Variants in CXorf38 observed in about 807,000 individuals in gnomAD.
CXorf38 encodes the protein chromosome X open reading frame 38.
In CXorf38, 13 loss-of-function variants were observed where a neutral mutation model predicts 27.5. The observed-to-expected ratio is 0.47, with a 90% confidence interval of 0.31 to 0.75. CXorf38 has a LOEUF of 0.75. CXorf38 is among the 30% of genes least tolerant of loss of function. CXorf38 has a pLI of 0.05. For missense variants in CXorf38, 240 were observed against 253.2 expected, an observed-to-expected ratio of 0.95 and a Z score of 0.35; for synonymous variants, 100 against 99.8, an observed-to-expected ratio of 1.00 and a Z score of -0.01.
intron 5 of CXorf38, among the ~76,000 whole-genome samples, chrX:40,636,243 C>G (rs1421686133): frequency 8.9e-6 from 1 of 112,716 alleles, no homozygotes; most frequent in African/African-American, 3.2e-5. Flanking sequence ...ATCCACCTGA[C>G]CAGCAGAGAA....
At chrX:40,642,542 A>C (rs1164292928) in intron 2 of CXorf38, among the ~76,000 whole-genome samples, 1 of 112,082 alleles carries the variant, frequency 8.9e-6, no homozygotes, top group Non-Finnish European at 1.9e-5. Flanking sequence ...AGAGGGTTTC[A>C]AGAGCAGCCA....
In CXorf38 at chrX:40,647,481, C is replaced by A; in HGVS notation, c.40G>T (p.Glu14Ter). The A allele has an allele frequency of 8.4e-7, 1 of 1,189,703 alleles. No individual in the cohort carries two copies. The highest frequency in any genetic ancestry group is 1.1e-6 in the Non-Finnish European group (1 of 887,535). ...SELAARLNCA[E>*]YKNWVKAGHC... is the part of the protein sequence containing the mutation. ...CCCGCCTTCACCCAGTTCTTGTACT[C>A]GGCGCAGTTGAGGCGCGCCGCTAGC... Residue 14 changes from glutamate (E) to a stop codon, truncating the protein, a stop_gained, in exon 1 of 7, where the codon GAG (glutamate) becomes TAG (stop). Coordinates refer to ENST00000327877, the MANE Select transcript of CXorf38 (RefSeq NM_144970.3). LOFTEE classifies it high-confidence loss of function.
rs754990948 is a variant in CXorf38, at chrX:40,646,944, T to C, written c.351+63A>G. On this transcript the variant is annotated intron_variant, in intron 2 of 6. Coordinates refer to ENST00000327877, the MANE Select transcript of CXorf38 (RefSeq NM_144970.3). ...AGGCCCCGGCGACCACAAGACCAGA[T>C]AGCCACCCCGAGTGCTGGGTGACCC... The C allele has an allele frequency of 5.5e-5, 63 of 1,149,388 alleles. No individual in the cohort carries two copies. In the South Asian group the frequency reaches 9.4e-4, roughly 17 times the overall value. The allele number at this position is 1,149,388 out of a possible 1,213,427, so 94.7% of individuals were successfully genotyped here. A position where few individuals can be genotyped will look rare whatever the true frequency, so the allele number is the denominator to read the frequency against.
At position 40,646,922 on chromosome X, in the gene CXorf38, C is replaced by A. The variant is rs896003226; in HGVS notation, c.351+85G>T. 1.5e-5 allele frequency: 16 copies of A among 1,042,824 alleles called. No homozygotes were observed. The African/African-American group carries it at 2.5e-4, about 16-fold the overall frequency. 85.9% of individuals were successfully genotyped at this position (1,042,824 alleles called of 1,213,427 possible). On this transcript the variant is annotated intron_variant, in intron 2 of 6. Coordinates refer to ENST00000327877, the MANE Select transcript of CXorf38 (RefSeq NM_144970.3). ...TCTCTCTCTGCATCTGTTTATGAGG[C>A]CCCGGCGACCACAAGACCAGATAGC...
At chrX:40,643,093 G>A (rs189954292) in intron 2 of CXorf38, among the ~76,000 whole-genome samples, 99 of 109,206 alleles carry the variant, frequency 9.1e-4, no homozygotes, top group African/African-American at 3.2e-3. Context: ...GCTAATTTTT[G>A]TATTTTTTTG....
intron 3 of CXorf38, 36 bp from the exon 4 acceptor site, chrX:40,637,192 C>G (rs1182798660): frequency 2.9e-6 from 3 of 1,021,832 alleles, no homozygotes; most frequent in Non-Finnish European, 3.9e-6. Context: ...GCTTCAAAAT[C>G]AAACAATGGG....
chrX:40,646,889 G>A (rs1928606588), intron 2 of CXorf38, 118 bp downstream of exon 2: 1 of 897,088 alleles, frequency 1.1e-6, no homozygotes, highest in African/African-American at 2.0e-5. Flanking sequence ...CTAGACCCTT[G>A]ATCAATCTCT....
intron 2 of CXorf38, chrX:40,639,522 T>C: frequency 8.4e-6 from 1 of 119,694 alleles, no homozygotes; most frequent in Admixed American, 8.8e-5. Flanking sequence ...TTGAGGAAGT[T>C]CCGTATGGAA....
At chrX:40,634,079 T>C (rs989212666) in intron 5 of CXorf38, among the ~76,000 whole-genome samples, 18 of 112,197 alleles carry the variant, frequency 1.6e-4, no homozygotes, top group Middle Eastern at 4.6e-3. Context: ...TTTTCTAATG[T>C]GCTATACCTT....
chrX:40,641,531 C>T (rs890211312), intron 2 of CXorf38, among the ~76,000 whole-genome samples: 1 of 111,387 alleles, frequency 9.0e-6, no homozygotes, highest in Non-Finnish European at 1.9e-5. Context: ...GTGAGGATTA[C>T]AGGCATGCAT....
intron 5 of CXorf38, among the ~76,000 whole-genome samples, chrX:40,631,891 G>A (rs963531703): frequency 9.0e-6 from 1 of 111,599 alleles, no homozygotes; most frequent in Non-Finnish European, 1.9e-5. Flanking sequence ...GGGAGGGACA[G>A]GGAGGAGCTG....
At chrX:40,641,796 T>C (rs1928333806) in intron 2 of CXorf38, among the ~76,000 whole-genome samples, 1 of 112,336 alleles carries the variant, frequency 8.9e-6, no homozygotes, top group Admixed American at 9.4e-5. Flanking sequence ...TAAAATTGTA[T>C]TGCATACCAC....
intron 6 of CXorf38, 162 bp from the exon 7 acceptor site, chrX:40,630,324 A>C: frequency 4.9e-6 from 1 of 204,465 alleles, no homozygotes; most frequent in South Asian, 2.6e-4. Flanking sequence ...GTGTCATTTT[A>C]AGGCAGAAAT....
At chrX:40,638,134 G>C (rs1218125366) in intron 3 of CXorf38, among the ~76,000 whole-genome samples, 1 of 111,967 alleles carries the variant, frequency 8.9e-6, no homozygotes, top group African/African-American at 3.2e-5. Context: ...GGAGTTTCCT[G>C]ATGTGGAAAC....
rs1471372258 is a variant in CXorf38, at chrX:40,639,177, G to A, written c.352-49C>T. 4.4e-6 allele frequency: 5 copies of A among 1,145,521 alleles called. No homozygotes were observed. The Admixed American group carries it at 9.5e-5, about 22-fold the overall frequency. 94.4% of individuals were successfully genotyped at this position (1,145,521 alleles called of 1,213,427 possible). The stretch of plus-strand genomic sequence containing the variant: ...GGACCTGAGTCTCTTCCAACTCTAG[G>A]AGATGGAAAGGCAATGGTTACTTGT... On this transcript the variant is annotated intron_variant, in intron 2 of 6. Coordinates refer to ENST00000327877, the MANE Select transcript of CXorf38 (RefSeq NM_144970.3).
At chrX:40,640,710 C>T (rs963447646) in intron 2 of CXorf38, among the ~76,000 whole-genome samples, 5 of 110,936 alleles carry the variant, frequency 4.5e-5, no homozygotes, top group African/African-American at 1.3e-4. Context: ...GAGGCCAAGG[C>T]GGGCAGATCA....
chrX:40,645,893 C>T (rs1360759210), intron 2 of CXorf38, among the ~76,000 whole-genome samples: 1 of 103,162 alleles, frequency 9.7e-6, no homozygotes, highest in Non-Finnish European at 2.0e-5. Flanking sequence ...GCTGGGATTA[C>T]AGGCATGAGC....
In CXorf38 at chrX:40,628,165, G is replaced by A. The variant is rs988552906; in HGVS notation, c.*1999C>T. The A allele has an allele frequency of 3.6e-5, 4 of 112,316 alleles. No individual in the cohort carries two copies. The highest frequency in any genetic ancestry group is 1.3e-4 in the African/African-American group (4 of 30,886). 9.3% of individuals were successfully genotyped at this position (112,316 alleles called of 1,213,427 possible). A position where few individuals can be genotyped will look rare whatever the true frequency, so the allele number is the denominator to read the frequency against. Reference sequence around the variant, plus strand: ...CATGAAATAAAGGGAGAAAGAAAATGTAAGACTAAAGACTAAATACTACCT... The same window carrying A: ...CATGAAATAAAGGGAGAAAGAAAATATAAGACTAAAGACTAAATACTACCT... On this transcript the variant is annotated 3_prime_UTR_variant, in exon 7 of 7. Coordinates refer to ENST00000327877, the MANE Select transcript of CXorf38 (RefSeq NM_144970.3).
intron 2 of CXorf38, chrX:40,640,229 T>G: frequency 3.1e-6 from 1 of 321,326 alleles, no homozygotes; most frequent in Non-Finnish European, 6.0e-6. Context: ...CTCAAGAGGC[T>G]GAGGCAGGAG....
Sources: gnomAD v4.1 joint callset for allele counts (sites outside exome capture counted in the v4.1 genomes callset) on GRCh38, gnomAD v4.1.1 for gene constraint, MANE v1.5 for transcripts, NCBI Gene and HGNC (gene_info 2026-07-23, HGNC 2026-07-21) for gene names.